Variants in RAB38 observed in about 807,000 individuals in gnomAD.
RAB38 encodes the protein RAB38, member RAS oncogene family.
In RAB38, 15 loss-of-function variants were observed where a neutral mutation model predicts 18.4. That is an observed-to-expected ratio of 0.82 (90% CI 0.55 to 1.26). The LOEUF (loss-of-function observed/expected upper bound fraction) is 1.26, where lower values mean the gene tolerates loss of function less well. Among genes scored for constraint, RAB38 ranks in the 50% most tolerant of loss-of-function variants. The pLI is 0.00. For missense variants in RAB38, 294 were observed against 267.4 expected (o/e 1.10, Z -0.69); for synonymous variants, 101 against 104.4 (o/e 0.97, Z 0.20).
chr11:87,976,631 ATATG>A, the RAB38 span, among the ~76,000 whole-genome samples: 8 of 104,650 alleles, frequency 7.6e-5, no homozygotes, highest in African/African-American at 3.0e-4. Flanking sequence ...ATATAAATAT[ATATG>A]ATTTTATATG....
chr11:88,023,715 G>C, the RAB38 span, among the ~76,000 whole-genome samples: 6 of 152,038 alleles, frequency 3.9e-5, no homozygotes, highest in African/African-American at 1.4e-4. Flanking sequence ...CAAAGGAACA[G>C]AATAGAGAAC....
At chr11:88,089,589 G>A in the RAB38 span, among the ~76,000 whole-genome samples, 6 of 151,820 alleles carry the variant, frequency 4.0e-5, no homozygotes, top group Admixed American at 3.3e-4. Context: ...GACTGGCTTC[G>A]CCACATACTT....
At chr11:88,007,714 C>A in the RAB38 span, among the ~76,000 whole-genome samples, 1 of 151,972 alleles carries the variant, frequency 6.6e-6, no homozygotes, top group African/African-American at 2.4e-5. Context: ...ATACTCCTAA[C>A]CCAACAAGCC....
Position 88,113,881 on chromosome 11 carries a change from G to A in RAB38, c.*107C>T. The A allele has an allele frequency of 1.5e-6, 2 of 1,335,574 alleles. No individual in the cohort carries two copies. The highest frequency in any genetic ancestry group is 2.1e-6 in the Non-Finnish European group (2 of 956,104). 82.7% of individuals were successfully genotyped at this position (1,335,574 alleles called of 1,614,324 possible). ...AAACAGAGGCATAGATCTTTGGCTT[G>A]CCACATGTGGTATCTCTATCCTGAC... On this transcript the variant is annotated 3_prime_UTR_variant, in exon 3 of 3. Transcript: ENST00000243662.
the RAB38 span, among the ~76,000 whole-genome samples, chr11:88,025,489 T>C: frequency 3.3e-5 from 5 of 152,202 alleles, no homozygotes; most frequent in East Asian, 1.9e-4. Context: ...CTCATTTATA[T>C]TTTCACCAAC....
chr11:87,977,770 G>C, the RAB38 span, among the ~76,000 whole-genome samples: 3 of 107,418 alleles, frequency 2.8e-5, no homozygotes, highest in Admixed American at 1.2e-4. Context: ...TTATATTATA[G>C]TTATATATTA....
chr11:87,837,540 G>A, the RAB38 span, among the ~76,000 whole-genome samples: 2 of 152,188 alleles, frequency 1.3e-5, no homozygotes, highest in Admixed American at 6.5e-5. Context: ...TATGGTATAA[G>A]TGTCATAAAC....
At chr11:87,888,856 G>T in the RAB38 span, among the ~76,000 whole-genome samples, 1 of 151,924 alleles carries the variant, frequency 6.6e-6, no homozygotes, top group Admixed American at 6.6e-5. Context: ...CTGCACTGTT[G>T]AACTCCAAAG....
At position 88,128,095 on chromosome 11, in the gene RAB38, C is replaced by A. The variant is rs146793835; in HGVS notation, c.484-13955G>T. ...CTTCTCTGTGCTGATATCCATTACA[C>A]CGAATCTCTTTATACTCAGGACAGC... On this transcript the variant is annotated intron_variant, in intron 2 of 2. Transcript: ENST00000243662. 2.6e-5 allele frequency among the ~76,000 whole-genome samples: 4 copies of A among 152,314 alleles called. No homozygotes were observed. The East Asian group carries it at 7.7e-4, about 29-fold the overall frequency.
At chr11:87,823,462 A>C in the RAB38 span, among the ~76,000 whole-genome samples, 10 of 152,244 alleles carry the variant, frequency 6.6e-5, no homozygotes, top group Admixed American at 6.5e-4. Context: ...CTGCTAAAAC[A>C]CATTTTTAAA....
At chr11:87,951,089 CTATTCTTT>C in the RAB38 span, among the ~76,000 whole-genome samples, 675 of 152,166 alleles carry the variant, frequency 4.4e-3, no homozygotes, top group Non-Finnish European at 7.7e-3. Context: ...TTATTTCTTT[CTATTCTTT>C]TATCTCTAAA....
chr11:88,014,415 A>G, the RAB38 span, among the ~76,000 whole-genome samples: 2 of 152,158 alleles, frequency 1.3e-5, no homozygotes, highest in African/African-American at 4.8e-5. Context: ...TTACAATACA[A>G]CAAGGCTATT....
At chr11:87,957,332 A>G in the RAB38 span, among the ~76,000 whole-genome samples, 1 of 152,090 alleles carries the variant, frequency 6.6e-6, no homozygotes, top group Non-Finnish European at 1.5e-5. Flanking sequence ...CAATAAGGTA[A>G]TAACTTTTTC....
chr11:87,852,307 A>G, the RAB38 span, among the ~76,000 whole-genome samples: 2 of 152,114 alleles, frequency 1.3e-5, no homozygotes, highest in Non-Finnish European at 2.9e-5. Context: ...TGCTTCTCCA[A>G]ATGCCAAGCT....
chr11:88,166,712 G>A (rs1270150497), intron 1 of RAB38: 2 of 152,008 alleles, frequency 1.3e-5, no homozygotes, highest in African/African-American at 2.4e-5. Flanking sequence ...CAAAAACACA[G>A]CTTTTAAGAA....
chr11:88,119,241 C>CCAGTTAG (rs1942598937), intron 2 of RAB38, among the ~76,000 whole-genome samples: 1 of 152,066 alleles, frequency 6.6e-6, no homozygotes, highest in African/African-American at 2.4e-5. Context: ...AAAAAAATTC[C>CCAGTTAG]CAGTTAGGCA....
At chr11:87,808,660 AGT>A in the RAB38 span, among the ~76,000 whole-genome samples, 2,699 of 152,276 alleles carry the variant, frequency 0.018, 41 homozygotes, top group African/African-American at 0.037. Flanking sequence ...GTAGATTTTA[AGT>A]GTTTTCATTG....
At chr11:88,168,769 G>C (rs1365586727) in intron 1 of RAB38, among the ~76,000 whole-genome samples, 1 of 152,138 alleles carries the variant, frequency 6.6e-6, no homozygotes, top group African/African-American at 2.4e-5. Flanking sequence ...CACAATAGGA[G>C]AGACATCCTG....
the RAB38 span, among the ~76,000 whole-genome samples, chr11:87,977,878 A>C: frequency 8.9e-6 from 1 of 111,794 alleles, no homozygotes; most frequent in South Asian, 2.8e-4. Flanking sequence ...AATATATATA[A>C]AGATGTAGTC....
Sources: gnomAD v4.1 joint callset for allele counts (sites outside exome capture counted in the v4.1 genomes callset) on GRCh38, gnomAD v4.1.1 for gene constraint, MANE v1.5 for transcripts, NCBI Gene and HGNC (gene_info 2026-07-23, HGNC 2026-07-21) for gene names.